The following TTC27 variants were observed in gnomAD, a reference collection of about 807,000 sequenced individuals.
TTC27 encodes the protein tetratricopeptide repeat protein 27.
In TTC27, 79 loss-of-function variants were observed where a neutral mutation model predicts 115.9. The ratio of observed to expected loss-of-function variants is 0.68; its 90% confidence interval spans 0.57 to 0.82. The LOEUF is 0.82. TTC27 is among the 40% of genes least tolerant of loss of function. The pLI, the probability that TTC27 is intolerant of heterozygous loss-of-function variation, is 0.00. For missense variants in TTC27, 1,054 were observed against 993.1 expected, an observed-to-expected ratio of 1.06 and a Z score of -0.82; for synonymous variants, 401 against 356.0, an observed-to-expected ratio of 1.13 and a Z score of -1.42.
intron 14 of TTC27, among the ~76,000 whole-genome samples, chr2:32,779,232 A>C (rs190281801): frequency 6.6e-6 from 1 of 151,968 alleles, no homozygotes; most frequent in East Asian, 1.9e-4. Context: ...CAAAAAAAAA[A>C]CAAACAAATA....
intron 5 of TTC27, among the ~76,000 whole-genome samples, chr2:32,655,113 C>T (rs987007679): frequency 1.3e-5 from 2 of 151,902 alleles, no homozygotes; most frequent in Admixed American, 1.3e-4. Context: ...CTCAGCCTCT[C>T]AAGCAGCTGG....
rs1393747679 is a variant in TTC27, at chr2:32,668,836, T to C, written c.939+2068T>C. Reference sequence around the variant, plus strand: ...GGCTCACGCCTGTAATCCCAGCACTTTGGGAGGCCGAGGTGGACGGATCAT... The same window carrying C: ...GGCTCACGCCTGTAATCCCAGCACTCTGGGAGGCCGAGGTGGACGGATCAT... On this transcript the variant is annotated intron_variant, in intron 7 of 19. Coordinates refer to ENST00000317907, the MANE Select transcript of TTC27 (RefSeq NM_017735.5). Among the ~76,000 whole-genome samples, 4 of 146,734 alleles carry C rather than the reference T, an allele frequency of 2.7e-5. No individual in the cohort carries two copies. The South Asian group carries it at 1.0e-3, about 37-fold the overall frequency.
intron 13 of TTC27, among the ~76,000 whole-genome samples, chr2:32,762,814 G>T (rs533320919): frequency 1.5e-4 from 23 of 152,192 alleles, no homozygotes; most frequent in South Asian, 4.2e-4. Flanking sequence ...GCTAATTTTT[G>T]TATTTTTAGT....
rs1368624745 is a variant in TTC27, at chr2:32,798,221, A to C, written c.1998+11072A>C. On this transcript the variant is annotated intron_variant, in intron 16 of 19. Coordinates refer to ENST00000317907, the MANE Select transcript of TTC27 (RefSeq NM_017735.5). ...GGAGATTGAGACCATCCTGGCTAAC[A>C]CAGTAAAACCCCATCTCTACTAAAA... Among the ~76,000 whole-genome samples, 4 of 151,156 alleles carry C rather than the reference A, an allele frequency of 2.6e-5. No homozygotes were observed. The South Asian group carries it at 6.3e-4, about 24-fold the overall frequency.
chr2:32,733,979 T>C (rs1229800681), intron 11 of TTC27, 56 bp downstream of exon 11: 1 of 1,174,778 alleles, frequency 8.5e-7, no homozygotes, highest in Non-Finnish European at 1.2e-6. Flanking sequence ...GAAAGGTAAA[T>C]GCATTATAAA....
At chr2:32,718,331 C>G (rs1188625782) in intron 10 of TTC27, among the ~76,000 whole-genome samples, 2 of 152,020 alleles carry the variant, frequency 1.3e-5, no homozygotes, top group Non-Finnish European at 2.9e-5. Flanking sequence ...CATCTTTTCT[C>G]CTGTATTACT....
chr2:32,709,465 G>A (rs548828631), intron 10 of TTC27, among the ~76,000 whole-genome samples: 49 of 152,264 alleles, frequency 3.2e-4, no homozygotes, highest in Non-Finnish European at 6.2e-4. Flanking sequence ...TTGCATATAC[G>A]TAATGAGATA....
intron 16 of TTC27, among the ~76,000 whole-genome samples, chr2:32,799,333 T>G (rs1572625304): frequency 6.6e-6 from 1 of 152,186 alleles, no homozygotes; most frequent in African/African-American, 2.4e-5. Flanking sequence ...ACATTATGAA[T>G]GTATTTAATA....
intron 12 of TTC27, among the ~76,000 whole-genome samples, chr2:32,756,638 A>T (rs1275873076): frequency 1.3e-5 from 2 of 152,238 alleles, no homozygotes; most frequent in East Asian, 3.8e-4. Flanking sequence ...GAGTATAGAT[A>T]TGCCCAACCT....
At chr2:32,748,297 T>C (rs1668896202) in intron 12 of TTC27, among the ~76,000 whole-genome samples, 1 of 152,234 alleles carries the variant, frequency 6.6e-6, no homozygotes, top group Admixed American at 6.5e-5. Context: ...TTGGAGAACA[T>C]ACTTTCTATG....
chr2:32,641,555 C>T (rs75949879), intron 4 of TTC27, among the ~76,000 whole-genome samples: 1 of 152,234 alleles, frequency 6.6e-6, no homozygotes, highest in Non-Finnish European at 1.5e-5. Context: ...GCCTGGCTGA[C>T]CCCTGCTCCA....
intron 16 of TTC27, among the ~76,000 whole-genome samples, chr2:32,788,242 AT>A (rs987407949): frequency 3.3e-5 from 5 of 152,254 alleles, no homozygotes; most frequent in African/African-American, 4.8e-5. Context: ...ATTAAAAAAA[AT>A]GTACATGAAA....
intron 10 of TTC27, among the ~76,000 whole-genome samples, chr2:32,715,058 C>A (rs1027361043): frequency 6.6e-6 from 1 of 152,038 alleles, no homozygotes; most frequent in Admixed American, 6.6e-5. Context: ...TTTTGTTGTG[C>A]AAAAGCTCTT....
chr2:32,753,269 C>G (rs1431094773), intron 12 of TTC27, among the ~76,000 whole-genome samples: 1 of 152,014 alleles, frequency 6.6e-6, no homozygotes. Flanking sequence ...GCTGACTGGC[C>G]TGTTATGCTC....
At chr2:32,735,047 T>C (rs1393783588) in intron 11 of TTC27, among the ~76,000 whole-genome samples, 2 of 152,186 alleles carry the variant, frequency 1.3e-5, no homozygotes, top group African/African-American at 4.8e-5. Context: ...CTCTCTTTCA[T>C]GGATCATACA....
At chr2:32,749,222 AC>A (rs1259959461) in intron 12 of TTC27, among the ~76,000 whole-genome samples, 1 of 152,212 alleles carries the variant, frequency 6.6e-6, no homozygotes, top group Non-Finnish European at 1.5e-5. Context: ...AAGACTTTTC[AC>A]TGAACAAGCT....
intron 3 of TTC27, among the ~76,000 whole-genome samples, chr2:32,636,212 C>G (rs949477565): frequency 2.0e-5 from 3 of 151,970 alleles, no homozygotes; most frequent in Non-Finnish European, 4.4e-5. Flanking sequence ...ACTTAATTCG[C>G]ATTTCTTTTT....
Position 32,692,036 on chromosome 2 carries a change from G to GTTTTTTTTTTTTTTTT in TTC27, c.1120-10760_1120-10745dup, listed in dbSNP as rs779547700. Among the ~76,000 whole-genome samples the GTTTTTTTTTTTTTTTT allele has an allele frequency of 4.6e-3, 279 of 61,204 alleles. 47 individuals carry two copies. The highest frequency in any genetic ancestry group is 6.2e-3 in the Non-Finnish European group (213 of 34,580). The allele number at this position is 61,204 out of a possible 152,430, so 40.2% of individuals were successfully genotyped here. On this transcript the variant is annotated intron_variant, in intron 9 of 19. Transcript: ENST00000317907. ...GGGATATTCTTTTTTAATTTTTTAG[G>GTTTTTTTTTTTTTTTT]TTTTTTTTTTTTTTTTTTTTTTTTT...
intron 2 of TTC27, among the ~76,000 whole-genome samples, chr2:32,631,771 G>A (rs1037905462): frequency 1.2e-4 from 19 of 152,006 alleles, no homozygotes; most frequent in African/African-American, 4.6e-4. Context: ...TGCTACTACA[G>A]GCTTTTAATT....
Sources: allele counts gnomAD v4.1 joint callset (sites outside exome capture counted in the v4.1 genomes callset), GRCh38; gene constraint gnomAD v4.1.1; transcripts MANE v1.5; gene names NCBI Gene and HGNC (gene_info 2026-07-23, HGNC 2026-07-21).